The following IFTAP variants were observed in gnomAD, a reference collection of about 807,000 sequenced individuals.
IFTAP encodes the protein intraflagellar transport associated protein.
IFTAP carries 19 observed loss-of-function variants against 19.4 expected under a neutral mutation model. The observed-to-expected ratio is 0.98, with a 90% confidence interval of 0.68 to 1.44. IFTAP has a LOEUF of 1.44. IFTAP is among the 40% of genes most tolerant of loss of function. IFTAP has a pLI of 0.00. For missense variants in IFTAP, 240 were observed against 253.6 expected, an observed-to-expected ratio of 0.95 and a Z score of 0.36; for synonymous variants, 85 against 83.5, an observed-to-expected ratio of 1.02 and a Z score of -0.10.
rs1011560887 is a variant in IFTAP, at chr11:36,594,560, T to G, written c.-56T>G. 8.3e-6 allele frequency: 2 copies of G among 241,078 alleles called. No individual in the cohort carries two copies. Among genetic ancestry groups the G allele is most frequent in the Non-Finnish European group, 1.6e-5 (2 of 122,686 alleles). The allele number at this position is 241,078 out of a possible 1,614,324, so 14.9% of individuals were successfully genotyped here. A position where few individuals can be genotyped will look rare whatever the true frequency, so the allele number is the denominator to read the frequency against. On this transcript the variant is annotated 5_prime_UTR_variant, in exon 1 of 6. Transcript: ENST00000334307. The stretch of plus-strand genomic sequence containing the variant: ...TTGTTGCTCTGGGAGAGGGGACTCC[T>G]GGAATGTGTCTGTGAATAAAGACTA...
intron 4 of IFTAP, among the ~76,000 whole-genome samples, chr11:36,637,863 A>T (rs959059464): frequency 6.6e-6 from 1 of 150,744 alleles, no homozygotes; most frequent in Non-Finnish European, 1.5e-5. Context: ...TAGCCAACAG[A>T]TCTGATTTTT....
At chr11:36,606,441 C>CTAAA (rs3084303) in intron 1 of IFTAP, among the ~76,000 whole-genome samples, 17,176 of 151,842 alleles carry the variant, frequency 0.11, 1,130 homozygotes, top group African/African-American at 0.17. Flanking sequence ...TACTCTGTCT[C>CTAAA]TAAATAAATA....
chr11:36,633,174 T>A, intron 2 of IFTAP, 110 bp from the exon 3 acceptor site: 1 of 1,074,634 alleles, frequency 9.3e-7, no homozygotes, highest in Non-Finnish European at 1.3e-6. Context: ...GTTTGTAGAG[T>A]TCTTTGAAAA....
intron 2 of IFTAP, among the ~76,000 whole-genome samples, chr11:36,628,198 G>A (rs1852591180): frequency 1.3e-5 from 2 of 150,980 alleles, no homozygotes; most frequent in Admixed American, 1.3e-4. Flanking sequence ...CAAGTACAGA[G>A]TTTTTGTCGG....
At chr11:36,658,111 C>T (rs771577665) in intron 5 of IFTAP, among the ~76,000 whole-genome samples, 39 of 152,294 alleles carry the variant, frequency 2.6e-4, no homozygotes, top group African/African-American at 9.1e-4. Context: ...AGATCATCTT[C>T]CATGCAAGAA....
chr11:36,614,304 AATCC>A (rs1851987285), intron 2 of IFTAP, among the ~76,000 whole-genome samples: 3 of 146,706 alleles, frequency 2.0e-5, no homozygotes, highest in African/African-American at 7.8e-5. Flanking sequence ...ACATTTTCTT[AATCC>A]AGTCTATCAT....
intron 5 of IFTAP, among the ~76,000 whole-genome samples, chr11:36,655,335 A>C (rs533278839): frequency 7.2e-5 from 11 of 152,294 alleles, no homozygotes; most frequent in Admixed American, 7.2e-4. Context: ...ACCTGTTCCA[A>C]GACGCCTTCT....
In IFTAP at chr11:36,659,267, C is replaced by T; in HGVS notation, c.*81C>T. On this transcript the variant is annotated 3_prime_UTR_variant, in exon 6 of 6. Coordinates refer to ENST00000334307, the MANE Select transcript of IFTAP (RefSeq NM_138787.4). ...AACATTAGAATAAAAGATAAACCTA[C>T]TATAATTCCCTTTGTGGAAATTTAC... 5 of 1,261,060 alleles carry T rather than the reference C, an allele frequency of 4.0e-6. No homozygotes were observed. Among genetic ancestry groups the T allele is most frequent in the Non-Finnish European group, 5.2e-6 (5 of 959,550 alleles). 78.1% of individuals were successfully genotyped at this position (1,261,060 alleles called of 1,614,324 possible). A position where few individuals can be genotyped will look rare whatever the true frequency, so the allele number is the denominator to read the frequency against.
chr11:36,637,833 T>C (rs992917828), intron 4 of IFTAP, among the ~76,000 whole-genome samples: 5 of 152,144 alleles, frequency 3.3e-5, no homozygotes, highest in African/African-American at 1.2e-4. Flanking sequence ...GAGAACTCTG[T>C]ATATTGACAT....
At chr11:36,613,767 C>T (rs1479681174) in intron 2 of IFTAP, among the ~76,000 whole-genome samples, 2 of 152,018 alleles carry the variant, frequency 1.3e-5, no homozygotes, top group African/African-American at 4.8e-5. Flanking sequence ...TAAAATGCCT[C>T]CATTGGTGAT....
chr11:36,598,233 G>C (rs1166515671), intron 1 of IFTAP: 1 of 152,036 alleles, frequency 6.6e-6, no homozygotes, highest in Non-Finnish European at 1.5e-5. Flanking sequence ...ACTGTAAAGA[G>C]AGTGTGTATG....
At position 36,633,433 on chromosome 11, in the gene IFTAP, G is replaced by A. The variant is rs752041535; in HGVS notation, c.286G>A (p.Glu96Lys). Residue 96 changes from glutamate to lysine, a missense_variant, in exon 3 of 6, where the codon GAA (glutamate) becomes AAA (lysine). Glu to Lys is a moderately conservative substitution (Grantham distance 56, BLOSUM62 1). Transcript: ENST00000334307. ...FLRTSSQCLE[E>K]QVDNFLDLED... ...TCGTACTTCATCACAATGTTTGGAA[G>A]AACAGGTAATACCAACATAGTACAT... 1.3e-6 allele frequency: 2 copies of A among 1,586,756 alleles called. No homozygotes were observed. The highest frequency in any genetic ancestry group is 1.8e-5 in the Admixed American group (1 of 55,988).
At chr11:36,599,797 C>T (rs532953071) in intron 1 of IFTAP, among the ~76,000 whole-genome samples, 95 of 152,108 alleles carry the variant, frequency 6.2e-4, no homozygotes, top group Non-Finnish European at 1.1e-3. Flanking sequence ...TTTCCCTAAC[C>T]TATTTATGTG....
At chr11:36,642,304 C>T (rs1009082867) in intron 4 of IFTAP, among the ~76,000 whole-genome samples, 7 of 152,014 alleles carry the variant, frequency 4.6e-5, no homozygotes, top group African/African-American at 1.7e-4. Context: ...AAGACTAAAC[C>T]AGGAAGAAGT....
At chr11:36,655,244 C>T (rs555310416) in intron 5 of IFTAP, among the ~76,000 whole-genome samples, 1 of 152,202 alleles carries the variant, frequency 6.6e-6, no homozygotes, top group East Asian at 1.9e-4. Flanking sequence ...ATGGTCTGCT[C>T]ATGGAAACTC....
In IFTAP at chr11:36,610,147, A is replaced by C. The variant is rs1473277982; in HGVS notation, c.44A>C (p.Gln15Pro). ...GGATTGGAAATAATGGATGAAGATC[A>C]ATTAATCAAAGACGTCTTGGATAAA... ...MSGLEIMDED[Q>P]LIKDVLDKFL... The change falls in exon 2 of 6, where the codon CAA (glutamine) becomes CCA (proline). Residue 15 changes from glutamine (Q) to proline (P), a missense_variant. Physicochemically the swap from Gln to Pro is moderately conservative, Grantham distance 76. Coordinates refer to ENST00000334307, the MANE Select transcript of IFTAP (RefSeq NM_138787.4). The C allele has an allele frequency of 6.2e-6, 10 of 1,611,948 alleles. No homozygotes were observed. The highest frequency in any genetic ancestry group is 8.5e-6 in the Non-Finnish European group (10 of 1,178,306).
At chr11:36,637,448 G>A (rs1443119498) in intron 4 of IFTAP, among the ~76,000 whole-genome samples, 2 of 152,126 alleles carry the variant, frequency 1.3e-5, no homozygotes, top group Admixed American at 6.5e-5. Flanking sequence ...TATAATGAGA[G>A]CAGCAAAGGG....
At chr11:36,642,668 T>C (rs545050233) in intron 4 of IFTAP, among the ~76,000 whole-genome samples, 210 of 152,230 alleles carry the variant, frequency 1.4e-3, no homozygotes, top group Non-Finnish European at 2.5e-3. Flanking sequence ...TATGATCAAG[T>C]GGGCTTCATC....
intron 1 of IFTAP, among the ~76,000 whole-genome samples, chr11:36,603,350 G>C (rs1196375969): frequency 2.0e-5 from 3 of 152,106 alleles, no homozygotes; most frequent in Non-Finnish European, 4.4e-5. Context: ...AACACATCTG[G>C]TTCCAACATT....
Sources: allele counts gnomAD v4.1 joint callset (sites outside exome capture counted in the v4.1 genomes callset), GRCh38; gene constraint gnomAD v4.1.1; transcripts MANE v1.5; gene names NCBI Gene and HGNC (gene_info 2026-07-23, HGNC 2026-07-21).